GLIS3: variants seen among roughly 807,000 people sequenced by gnomAD.
The protein encoded by GLIS3 is zinc finger protein GLIS3.
Under a neutral mutation model 78.6 loss-of-function variants are expected in GLIS3, and 53 were observed. The observed-to-expected ratio is 0.67, with a 90% CI of 0.54 to 0.85. The LOEUF is 0.85. Among genes scored for constraint, GLIS3 ranks in the 40% least tolerant of loss-of-function variants. The pLI is 0.00. For missense variants in GLIS3, 1,703 were observed against 1,231.1 expected (o/e 1.38, Z -5.74); for synonymous variants, 684 against 509.9 (o/e 1.34, Z -4.60).
chr9:4,300,355 A>G (rs368589311), upstream of GLIS3, among the ~76,000 whole-genome samples: 9 of 125,366 alleles, frequency 7.2e-5, no homozygotes, highest in South Asian at 1.9e-3. Flanking sequence ...AACATGAAAA[A>G]GTGTTAGTGT....
At chr9:4,362,818 C>T in the GLIS3 span, among the ~76,000 whole-genome samples, 9 of 152,088 alleles carry the variant, frequency 5.9e-5, no homozygotes. Flanking sequence ...CCAGAGAACC[C>T]TGCTATCATG....
At chr9:4,386,551 C>G in the GLIS3 span, 1 of 152,084 alleles carries the variant, frequency 6.6e-6, no homozygotes, top group Non-Finnish European at 1.5e-5. Flanking sequence ...AAGAATTGGA[C>G]AACACACACA....
intron 4 of GLIS3, among the ~76,000 whole-genome samples, chr9:3,980,947 G>A (rs10441689): frequency 2.0e-5 from 3 of 152,024 alleles, no homozygotes; most frequent in African/African-American, 4.8e-5. Flanking sequence ...GGTTTCTCTC[G>A]ACAGCCCTCC....
the GLIS3 span, among the ~76,000 whole-genome samples, chr9:4,451,863 A>C: frequency 1.6e-4 from 25 of 151,704 alleles, no homozygotes; most frequent in African/African-American, 6.1e-4. Context: ...TATACAGGGA[A>C]ATTTATAGCA....
intron 4 of GLIS3, among the ~76,000 whole-genome samples, chr9:4,033,369 G>C (rs1824013149): frequency 1.3e-5 from 2 of 152,158 alleles, no homozygotes; most frequent in Non-Finnish European, 2.9e-5. Flanking sequence ...GAAAAAGCCA[G>C]AGAAGACCCC....
intron 2 of GLIS3, among the ~76,000 whole-genome samples, chr9:4,179,904 T>G (rs891722696): frequency 2.6e-5 from 3 of 115,518 alleles, no homozygotes; most frequent in Non-Finnish European, 3.8e-5. Flanking sequence ...AGCGAGACTC[T>G]GTCTCAAAAA....
chr9:4,489,036 T>C, the GLIS3 span, among the ~76,000 whole-genome samples: 1 of 151,990 alleles, frequency 6.6e-6, no homozygotes. Flanking sequence ...CCGGCTAATT[T>C]TTTTGTATTT....
At position 3,898,876 on chromosome 9, in the gene GLIS3, G is replaced by A. The variant is rs201490424; in HGVS notation, c.1984-41C>T. 928 of 1,612,364 alleles carry A rather than the reference G, an allele frequency of 5.8e-4. 2 individuals carry two copies. Among genetic ancestry groups the A allele is most frequent in the Middle Eastern group, 1.8e-3 (9 of 4,924 alleles). On this transcript the variant is annotated intron_variant, in intron 6 of 10. Coordinates refer to ENST00000381971, the MANE Select transcript of GLIS3 (RefSeq NM_001042413.2). ...GGAAGAGACATCGATAAGGAGAGCC[G>A]GTCCTTGGAATATTTTCCTGGGAAG...
chr9:4,422,079 A>T, the GLIS3 span, among the ~76,000 whole-genome samples: 3 of 152,250 alleles, frequency 2.0e-5, no homozygotes, highest in African/African-American at 7.2e-5. Flanking sequence ...AGATTTCTCA[A>T]AAAGTCAATT....
At chr9:4,114,998 C>T (rs746352868) in intron 4 of GLIS3, among the ~76,000 whole-genome samples, 1 of 152,192 alleles carries the variant, frequency 6.6e-6, no homozygotes, top group Non-Finnish European at 1.5e-5. Flanking sequence ...TCTGAGAATG[C>T]GTTCTCTCAT....
intron 2 of GLIS3, among the ~76,000 whole-genome samples, chr9:4,329,236 C>T (rs1817647521): frequency 6.6e-6 from 1 of 152,046 alleles, no homozygotes; most frequent in Non-Finnish European, 1.5e-5. Flanking sequence ...CCACGACCCC[C>T]AGGCCTGCAT....
At chr9:4,471,876 C>T in the GLIS3 span, among the ~76,000 whole-genome samples, 1 of 152,244 alleles carries the variant, frequency 6.6e-6, no homozygotes, top group East Asian at 1.9e-4. Context: ...GGGCTAATAT[C>T]CAGAATCTAC....
intron 4 of GLIS3, among the ~76,000 whole-genome samples, chr9:4,103,682 C>T (rs990469230): frequency 1.3e-5 from 2 of 152,118 alleles, no homozygotes; most frequent in African/African-American, 4.8e-5. Context: ...TCTGTAGGAA[C>T]TCAGATGTAT....
At chr9:4,159,030 G>GGAAAAAAAAAA (rs143925099) in intron 2 of GLIS3, among the ~76,000 whole-genome samples, 4 of 79,094 alleles carry the variant, frequency 5.1e-5, no homozygotes, top group African/African-American at 1.5e-4. Flanking sequence ...GAAAGGAGAA[G>GGAAAAAAAAAA]AAGAAAAAAA....
intron 4 of GLIS3, among the ~76,000 whole-genome samples, chr9:4,094,779 C>T (rs1335133986): frequency 2.0e-5 from 3 of 152,154 alleles, no homozygotes; most frequent in Admixed American, 2.0e-4. Flanking sequence ...GATCCGATGG[C>T]TTATTTTAAT....
At chr9:4,385,809 GA>G in the GLIS3 span, among the ~76,000 whole-genome samples, 6,581 of 43,552 alleles carry the variant, frequency 0.15, 337 homozygotes, top group Non-Finnish European at 0.18. Flanking sequence ...AAGAAAGAAA[GA>G]AAAGAAAGAA....
chr9:4,356,633 G>C, the GLIS3 span, among the ~76,000 whole-genome samples: 1 of 152,218 alleles, frequency 6.6e-6, no homozygotes, highest in Non-Finnish European at 1.5e-5. Context: ...GAACACAGCA[G>C]ATTCAACAGA....
rs1554660070 is a variant in GLIS3, at chr9:4,340,293, G to GGA, written n.264+6787_264+6788insTC. On this transcript the variant is annotated intron_variant and non_coding_transcript_variant, in intron 2 of 4. Transcript: ENST00000471664. ...AGTTTAGGAATTACAAATCAAATGA[G>GGA]AAAAAAAAAAAAAAGTATGTCATTT... 2.9e-4 allele frequency among the ~76,000 whole-genome samples: 39 copies of GGA among 133,232 alleles called. 1 individual carries two copies. Among genetic ancestry groups the GGA allele is most frequent in the Admixed American group, 2.9e-3 (38 of 13,176 alleles). The allele number at this position is 133,232 out of a possible 152,430, so 87.4% of individuals were successfully genotyped here.
At position 3,926,358 on chromosome 9, in the gene GLIS3, G is replaced by A. The variant is rs112639988; in HGVS notation, c.1983+6002C>T. On this transcript the variant is annotated intron_variant, in intron 6 of 10. Transcript: ENST00000381971. ...CCATTCTCCTGCCTCAGCCTCCAGA[G>A]TAGCTGGGACTAAAGGCGCCAGCCA... Among the ~76,000 whole-genome samples, 249 of 151,144 alleles carry A rather than the reference G, an allele frequency of 1.6e-3. 1 individual carries two copies. The highest frequency in any genetic ancestry group is 5.9e-3 in the African/African-American group (242 of 41,194).
Sources: allele counts gnomAD v4.1 joint callset (sites outside exome capture counted in the v4.1 genomes callset), GRCh38; gene constraint gnomAD v4.1.1; transcripts MANE v1.5; gene names NCBI Gene and HGNC (gene_info 2026-07-23, HGNC 2026-07-21).